CAMSAP3: variants seen among roughly 807,000 people sequenced by gnomAD.
The protein encoded by CAMSAP3 is calmodulin regulated spectrin associated protein family member 3.
CAMSAP3 carries 34 observed loss-of-function variants against 112.5 expected under a neutral mutation model. The ratio of observed to expected loss-of-function variants is 0.30; its 90% confidence interval spans 0.23 to 0.40. The LOEUF is 0.40. CAMSAP3 is among the 10% of genes least tolerant of loss of function. CAMSAP3 has a pLI of 1.00. For synonymous variants in CAMSAP3, 868 were observed against 799.8 expected (o/e 1.09, Z -1.44); for missense variants, 1,602 against 1,770.3 (o/e 0.90, Z 1.71).
chr19:7,614,575 T>C (rs62113425), intron 11 of CAMSAP3: 17,188 of 152,450 alleles, frequency 0.11, 1,047 homozygotes, highest in Non-Finnish European at 0.14. Flanking sequence ...TGACCTCAAG[T>C]GATCCACCTG....
In CAMSAP3 at chr19:7,615,050, C is replaced by A; in HGVS notation, c.2671-133C>A. 1 of 1,081,768 alleles carries A rather than the reference C, an allele frequency of 9.2e-7. No homozygotes were observed. The highest frequency in any genetic ancestry group is 1.4e-6 in the Non-Finnish European group (1 of 731,090). 67.0% of individuals were successfully genotyped at this position (1,081,768 alleles called of 1,614,324 possible). A position where few individuals can be genotyped will look rare whatever the true frequency, so the allele number is the denominator to read the frequency against. On this transcript the variant is annotated intron_variant, in intron 11 of 16. Coordinates refer to ENST00000160298, the MANE Select transcript of CAMSAP3 (RefSeq NM_020902.2). The surrounding 1 kb of genome is among the most constrained non-coding windows in gnomAD (Gnocchi z 6.5). ...GTGGGGCTGTGCATACAGTAGGCAC[C>A]AACTAAGTGCATTTAGAACAATGAT...
In CAMSAP3 at chr19:7,611,584, C is replaced by T; in HGVS notation, c.1191C>T (p.Leu397=). The change falls in exon 10 of 17, where the codon CTC becomes CTT. Residue 397 remains leucine (L), a splice_region_variant and synonymous_variant. Coordinates refer to ENST00000160298, the MANE Select transcript of CAMSAP3 (RefSeq NM_020902.2). The surrounding 1 kb of genome is among the most constrained non-coding windows in gnomAD (Gnocchi z 6.9). ...EALGKAWNRQ[L]SRPLSQAVSF... ...TGGGCAAGGCCTGGAACCGGCAGCT[C>T]AGGTGAGTAGACCTCACAGGCCAGG... 1 of 1,612,174 alleles carries T rather than the reference C, an allele frequency of 6.2e-7. No homozygotes were observed. Among genetic ancestry groups the T allele is most frequent in the African/African-American group, 1.3e-5 (1 of 75,038 alleles).
In CAMSAP3 at chr19:7,616,642, G is replaced by C. The variant is rs1162715943; in HGVS notation, c.3212+20G>C. ...GTCTCGGTGAGTTTAGCCCGCACAG[G>C]CGGGGTTCGTATGCCGGGTGGCTTC... On this transcript the variant is annotated intron_variant, in intron 14 of 16. Coordinates refer to ENST00000160298, the MANE Select transcript of CAMSAP3 (RefSeq NM_020902.2). The C allele has an allele frequency of 1.9e-6, 3 of 1,579,318 alleles. No homozygotes were observed. The highest frequency in any genetic ancestry group is 2.6e-6 in the Non-Finnish European group (3 of 1,158,714).
Position 7,595,925 on chromosome 19 carries a change from G to C in CAMSAP3, c.-78G>C. On this transcript the variant is annotated 5_prime_UTR_variant, in exon 1 of 17. Transcript: ENST00000160298. ...CAGCGGCGGTAGCAGCAGCGGGCCC[G>C]GCTGGGGCGCGAGCGCGGCGCAGCC... 1 of 726,064 alleles carries C rather than the reference G, an allele frequency of 1.4e-6. No homozygotes were observed. The highest frequency in any genetic ancestry group is 5.9e-5 in the South Asian group (1 of 17,018). 45.0% of individuals were successfully genotyped at this position (726,064 alleles called of 1,614,324 possible). A position where few individuals can be genotyped will look rare whatever the true frequency, so the allele number is the denominator to read the frequency against.
Position 7,606,493 on chromosome 19 carries a change from G to C in CAMSAP3, c.543G>C (p.Gln181His). ...FWVDTTVRRL[Q>H]EKTEQEAAQR... ...CCCTCCAGACCGTCCGGCGGCTGCA[G>C]GAGAAGACCGAGCAGGAAGCGGCCC... The change falls in exon 4 of 17, where the codon CAG (glutamine) becomes CAC (histidine). Residue 181 changes from glutamine (Q) to histidine (H), a missense_variant. Gln to His is a conservative substitution (Grantham distance 24). This residue lies in a region of CAMSAP3 where 112 missense variants were observed against 94.2 expected (regional missense o/e 1.19). Transcript: ENST00000160298. 6.3e-7 allele frequency: 1 copy of C among 1,579,722 alleles called. No individual in the cohort carries two copies. Among genetic ancestry groups the C allele is most frequent in the East Asian group, 2.3e-5 (1 of 43,490 alleles).
In CAMSAP3 at chr19:7,598,719, G is replaced by A. The variant is rs189391251; in HGVS notation, c.148+2569G>A. On this transcript the variant is annotated intron_variant, in intron 1 of 16. Transcript: ENST00000160298. Reference sequence around the variant, plus strand: ...AGGAGAATTGTTGAACCTGTGAGGCGGAGGTTGCAGTGAGCCGAGATTGCA... The same window carrying A: ...AGGAGAATTGTTGAACCTGTGAGGCAGAGGTTGCAGTGAGCCGAGATTGCA... Among the ~76,000 whole-genome samples, 78 of 151,686 alleles carry A rather than the reference G, an allele frequency of 5.1e-4. No homozygotes were observed. The East Asian group carries it at 8.5e-3, about 16-fold the overall frequency.
At position 7,610,080 on chromosome 19, in the gene CAMSAP3, T is replaced by A. The variant is rs191406746; in HGVS notation, c.761-396T>A. Among the ~76,000 whole-genome samples, 722 of 152,062 alleles carry A rather than the reference T, an allele frequency of 4.7e-3. 4 individuals are homozygous for A. Among genetic ancestry groups the A allele is most frequent in the African/African-American group, 0.016 (676 of 41,474 alleles). On this transcript the variant is annotated intron_variant, in intron 5 of 16. Transcript: ENST00000160298. This position sits in a 1 kb window ranked among gnomAD's most constrained non-coding sequence, Gnocchi z 4.9. ...ACGCCTGTAATCCCAGCACTTTGGGTGGCTGAGGCGGCCGGATCATGAAGT... is the reference window on the plus strand; with the variant it reads ...ACGCCTGTAATCCCAGCACTTTGGGAGGCTGAGGCGGCCGGATCATGAAGT...
Position 7,598,958 on chromosome 19 carries a change from G to A in CAMSAP3, c.148+2808G>A, listed in dbSNP as rs191670835. Among the ~76,000 whole-genome samples, 437 of 152,126 alleles carry A rather than the reference G, an allele frequency of 2.9e-3. 1 individual carries two copies. Among genetic ancestry groups the A allele is most frequent in the African/African-American group, 9.5e-3 (394 of 41,482 alleles). ...CCTTGGTTTTCTCATCTGTACAAGG[G>A]GTATAATAATAAGTGTCGTAAGGAT... On this transcript the variant is annotated intron_variant, in intron 1 of 16. Coordinates refer to ENST00000160298, the MANE Select transcript of CAMSAP3 (RefSeq NM_020902.2).
In CAMSAP3 at chr19:7,595,889, G is replaced by T. The variant is rs1035675299; in HGVS notation, c.-114G>T. 9.4e-5 allele frequency: 40 copies of T among 427,464 alleles called. No individual in the cohort carries two copies. Among genetic ancestry groups the T allele is most frequent in the Non-Finnish European group, 8.4e-5 (27 of 321,976 alleles). 26.5% of individuals were successfully genotyped at this position (427,464 alleles called of 1,614,324 possible). On this transcript the variant is annotated 5_prime_UTR_variant, in exon 1 of 17. Coordinates refer to ENST00000160298, the MANE Select transcript of CAMSAP3 (RefSeq NM_020902.2). ...CACCTGGCTCAGCAGCGGCGGCGGC[G>T]GCGGCGGCGGCAGCGGCGGTAGCAG...
Position 7,608,633 on chromosome 19 carries a change from C to CTT in CAMSAP3, c.760+386_760+387dup, listed in dbSNP as rs1012617941. ...AAGATACTAAGTTTATCCAAAAGTA[C>CTT]TTTTTTTTTTTTTTTTTTGAGACGG... On this transcript the variant is annotated intron_variant, in intron 5 of 16. Coordinates refer to ENST00000160298, the MANE Select transcript of CAMSAP3 (RefSeq NM_020902.2). Among the ~76,000 whole-genome samples, 104 of 131,640 alleles carry CTT rather than the reference C, an allele frequency of 7.9e-4. 1 individual carries two copies. Among genetic ancestry groups the CTT allele is most frequent in the Middle Eastern group, 3.7e-3 (1 of 270 alleles). 86.4% of individuals were successfully genotyped at this position (131,640 alleles called of 152,430 possible).
At position 7,606,401 on chromosome 19, in the gene CAMSAP3, G is replaced by T; in HGVS notation, c.525+8G>T. On this transcript the variant is annotated splice_region_variant and intron_variant, in intron 3 of 16. Coordinates refer to ENST00000160298, the MANE Select transcript of CAMSAP3 (RefSeq NM_020902.2). ...CTTTTCTGGGTGGACACGGTAGGTGGGGTTGGGCCTGGGGTGGGTTCGGGG... is the reference window on the plus strand; with the variant it reads ...CTTTTCTGGGTGGACACGGTAGGTGTGGTTGGGCCTGGGGTGGGTTCGGGG... 6.2e-7 allele frequency: 1 copy of T among 1,613,524 alleles called. No individual in the cohort carries two copies. Among genetic ancestry groups the T allele is most frequent in the Non-Finnish European group, 8.5e-7 (1 of 1,180,008 alleles).
intron 1 of CAMSAP3, among the ~76,000 whole-genome samples, chr19:7,597,610 C>T (rs370708404): frequency 4.6e-5 from 7 of 152,338 alleles, no homozygotes; most frequent in South Asian, 2.1e-4. Context: ...CCCCCCGTTA[C>T]CTCTTTGCAA....
rs765224175 is a variant in CAMSAP3 at position 7,612,330 on chromosome 19, G to A, written c.1837G>A (p.Ala613Thr). The A allele has an allele frequency of 1.9e-6, 3 of 1,604,702 alleles. No individual in the cohort carries two copies. The highest frequency in any genetic ancestry group is 2.5e-6 in the Non-Finnish European group (3 of 1,177,930). The change falls in exon 11 of 17, where the codon GCC becomes ACC. Residue 613 changes from alanine to threonine, a missense_variant. Around this residue, in one of 6 missense-constraint regions of CAMSAP3, gnomAD observed 1,100 missense variants for 1,135.7 expected, o/e 0.97. Transcript: ENST00000160298. ...LSARLEEKRR[A>T]IEAQKRRIEA... is the part of the protein sequence containing the mutation. ...CGCCCGGCTGGAGGAGAAACGCAGAGCCATCGAGGCTCAGAAGCGACGGAT... is the reference window on the plus strand; with the variant it reads ...CGCCCGGCTGGAGGAGAAACGCAGAACCATCGAGGCTCAGAAGCGACGGAT...
chr19:7,618,193 T>TTGAG lies in CAMSAP3; in HGVS notation c.*138_*141dup. On this transcript the variant is annotated 3_prime_UTR_variant, in exon 17 of 17. Coordinates refer to ENST00000160298, the MANE Select transcript of CAMSAP3 (RefSeq NM_020902.2). ...GGGCTGGAGTCTCCACCCTCTGACT[T>TTGAG]TGAGTCCAGTCCTGCTGTGGGGGCT... The TTGAG allele has an allele frequency of 1.0e-6, 1 of 960,968 alleles. No homozygotes were observed. The highest frequency in any genetic ancestry group is 1.7e-5 in the South Asian group (1 of 59,554). The allele number at this position is 960,968 out of a possible 1,614,324, so 59.5% of individuals were successfully genotyped here.
Position 7,612,041 on chromosome 19 carries a change from A to AC in CAMSAP3, c.1550dup (p.Val518SerfsTer63). On this transcript the variant is annotated frameshift_variant, in exon 11 of 17. Coordinates refer to ENST00000160298, the MANE Select transcript of CAMSAP3 (RefSeq NM_020902.2). LOFTEE classifies it high-confidence loss of function. ...CACTGTCCGACAGGCCCACCAAAGC[A>AC]CCAGTGTACATGCCACACCCCGAGA... The AC allele has an allele frequency of 6.2e-7, 1 of 1,612,826 alleles. No homozygotes were observed. Among genetic ancestry groups the AC allele is most frequent in the Non-Finnish European group, 8.5e-7 (1 of 1,179,754 alleles).
intron 1 of CAMSAP3, among the ~76,000 whole-genome samples, chr19:7,600,661 T>TCCACTCATCCATCCACCCAC (rs2029914333): frequency 5.0e-5 from 3 of 60,576 alleles, no homozygotes; most frequent in African/African-American, 7.1e-5. Flanking sequence ...CACCCACTCA[T>TCCACTCATCCATCCACCCAC]CCACTCATCC....
At chr19:7,613,528 G>T (rs920884288) in intron 11 of CAMSAP3, among the ~76,000 whole-genome samples, 2 of 149,340 alleles carry the variant, frequency 1.3e-5, no homozygotes, top group African/African-American at 5.0e-5. Context: ...AGGCCCTCGG[G>T]TATGTTTGGG....
At chr19:7,602,207 G>A (rs762108166) in intron 1 of CAMSAP3, among the ~76,000 whole-genome samples, 1 of 152,178 alleles carries the variant, frequency 6.6e-6, no homozygotes, top group Non-Finnish European at 1.5e-5. Flanking sequence ...TACTACTGAC[G>A]TCTAGTAAAT....
rs113584790 is a variant in CAMSAP3, at chr19:7,608,376, A to G, written c.760+112A>G. On this transcript the variant is annotated intron_variant, in intron 5 of 16. Coordinates refer to ENST00000160298, the MANE Select transcript of CAMSAP3 (RefSeq NM_020902.2). ...CGAGACCAGCAACGATGCAGTGGTC[A>G]TGAGGGCAGCTTCCGGAACTGGCAG... 3,360 of 1,327,310 alleles carry G rather than the reference A, an allele frequency of 2.5e-3. 67 individuals are homozygous for G. In the African/African-American group the frequency reaches 0.043, roughly 17 times the overall value. 82.2% of individuals were successfully genotyped at this position (1,327,310 alleles called of 1,614,324 possible). A position where few individuals can be genotyped will look rare whatever the true frequency, so the allele number is the denominator to read the frequency against.
Sources: gnomAD v4.1 joint callset for allele counts (sites outside exome capture counted in the v4.1 genomes callset) on GRCh38, gnomAD v4.1.1 for gene constraint, gnomAD v4.1.1 regional missense constraint, Gnocchi (gnomAD v3.1) non-coding constraint, MANE v1.5 for transcripts, NCBI Gene and HGNC (gene_info 2026-07-23, HGNC 2026-07-21) for gene names.